Variants in KDM2A observed in about 807,000 individuals in gnomAD.
KDM2A encodes lysine-specific demethylase 2A.
KDM2A carries 3 observed loss-of-function variants against 137.3 expected under a neutral mutation model. The observed-to-expected ratio is 0.02, with a 90% confidence interval of 0.01 to 0.06. KDM2A has a LOEUF of 0.06. KDM2A is among the 10% of genes least tolerant of loss of function. The probability of loss-of-function intolerance (pLI) is 1.00; values close to 1 mark genes in which losing one functional copy is unlikely to be tolerated. For synonymous variants in KDM2A, 512 were observed against 541.5 expected (o/e 0.95, Z 0.76); for missense variants, 738 against 1,510.6 (o/e 0.49, Z 8.48).
chr11:67,153,058 C>CA (rs1283072346), intron 2 of KDM2A, among the ~76,000 whole-genome samples: 6 of 151,906 alleles, frequency 3.9e-5, no homozygotes, highest in African/African-American at 9.7e-5. Flanking sequence ...GATCTCAGCT[C>CA]ACTGCAACGT....
rs565592743 is a variant in KDM2A at position 67,217,490 on chromosome 11, C to G, written c.688-241C>G. On this transcript the variant is annotated intron_variant, in intron 8 of 20. Transcript: ENST00000529006. ...TGAATGGTCCCTCTTCTCTCCGAGT[C>G]CTGGATGGTGTATAGTCAAACCCAA... is the stretch of plus-strand genomic sequence containing the variant. 4 of 503,130 alleles carry G rather than the reference C, an allele frequency of 8.0e-6. No individual in the cohort carries two copies. In the Admixed American group the frequency reaches 1.3e-4, roughly 17 times the overall value. The allele number at this position is 503,130 out of a possible 1,614,324, so 31.2% of individuals were successfully genotyped here.
intron 10 of KDM2A, among the ~76,000 whole-genome samples, chr11:67,226,059 G>C (rs1858533116): frequency 6.6e-6 from 1 of 150,990 alleles, no homozygotes; most frequent in Non-Finnish European, 1.5e-5. Context: ...GAACAAAACT[G>C]TGTCAAAAAA....
At chr11:67,222,079 T>TTA (rs1555094905) in intron 10 of KDM2A, among the ~76,000 whole-genome samples, 3 of 106,622 alleles carry the variant, frequency 2.8e-5, no homozygotes, top group African/African-American at 1.1e-4. Flanking sequence ...TTTTTTTTTT[T>TTA]AATTTATTTT....
chr11:67,242,278 A>ATG (rs35881675), intron 12 of KDM2A, among the ~76,000 whole-genome samples: 186 of 148,172 alleles, frequency 1.3e-3, no homozygotes, highest in East Asian at 9.7e-3. Flanking sequence ...GGGTGTGTGT[A>ATG]TGTGTGTGTG....
intron 12 of KDM2A, 95 bp from the exon 13 acceptor site, chr11:67,242,914 C>G (rs1859092366): frequency 1.1e-6 from 1 of 884,598 alleles, no homozygotes; most frequent in Non-Finnish European, 1.9e-6. Context: ...CCTTGCTACT[C>G]AAGGGTACTG....
intron 5 of KDM2A, among the ~76,000 whole-genome samples, chr11:67,185,175 A>G (rs1279393656): frequency 6.6e-6 from 1 of 152,198 alleles, no homozygotes; most frequent in East Asian, 1.9e-4. Context: ...CCTTAAAAGG[A>G]AATTCTGGAG....
chr11:67,224,490 G>T (rs1337670829), intron 10 of KDM2A, among the ~76,000 whole-genome samples: 2 of 95,686 alleles, frequency 2.1e-5, no homozygotes, highest in African/African-American at 4.4e-5. Context: ...TTTTGAGACA[G>T]AGTCTCGCTC....
intron 10 of KDM2A, among the ~76,000 whole-genome samples, chr11:67,224,461 C>CTTTTTTTTTT (rs35180780): frequency 5.3e-5 from 5 of 95,166 alleles, no homozygotes; most frequent in African/African-American, 1.8e-4. Context: ...TAACCCCTTT[C>CTTTTTTTTTT]TTTTTTTTTT....
intron 7 of KDM2A, 183 bp from the exon 8 acceptor site, chr11:67,215,673 A>AG (rs199904630): frequency 2.9e-4 from 184 of 635,808 alleles, no homozygotes; most frequent in Middle Eastern, 1.3e-3. Flanking sequence ...TCAATACGGT[A>AG]GAAAAAAAAA....
chr11:67,176,029 G>A (rs1475038442), intron 2 of KDM2A, among the ~76,000 whole-genome samples: 1 of 152,142 alleles, frequency 6.6e-6, no homozygotes, highest in African/African-American at 2.4e-5. Flanking sequence ...TACTTTGAAT[G>A]ATGATGGCAT....
intron 4 of KDM2A, 41 bp downstream of exon 4, chr11:67,181,439 C>G (rs1857089076): frequency 7.5e-7 from 1 of 1,330,604 alleles, no homozygotes; most frequent in African/African-American, 1.4e-5. Context: ...TGCAAAATGG[C>G]CTCGTTACAC....
intron 1 of KDM2A, among the ~76,000 whole-genome samples, chr11:67,120,815 G>T (rs1395648198): frequency 6.6e-6 from 1 of 151,918 alleles, no homozygotes; most frequent in Non-Finnish European, 1.5e-5. Flanking sequence ...CTTTCCTTTA[G>T]TTTCTGATTA....
chr11:67,253,496 C>G lies in KDM2A; in HGVS notation c.2976C>G (p.Val992=), dbSNP rs1209606154. 10 of 1,613,902 alleles carry G rather than the reference C, an allele frequency of 6.2e-6. No individual in the cohort carries two copies. The highest frequency in any genetic ancestry group is 8.5e-6 in the Non-Finnish European group (10 of 1,179,826). Residue 992 remains valine (V), a synonymous_variant, in exon 19 of 21, where the codon GTC becomes GTG. Transcript: ENST00000529006. ...TAGCAGGCTGCTCCTGGTCTGCAGT[C>G]TCTGCCCTCAGCACCTCCAGCTGCC... The part of the protein sequence containing the change: ...LLLAGCSWSA[V]SALSTSSCPL...
At position 67,250,565 on chromosome 11, in the gene KDM2A, C is replaced by T. The variant is rs769467365; in HGVS notation, c.2535C>T (p.Pro845=). 1.2e-6 allele frequency: 2 copies of T among 1,613,582 alleles called. No individual in the cohort carries two copies. The highest frequency in any genetic ancestry group is 1.3e-5 in the African/African-American group (1 of 74,916). ...VLVQHCPART[P]QRGDEEGLGG... is the part of the protein sequence containing the mutation. ...TGCAGCACTGCCCAGCCCGAACCCCCCAGCGTGGGGATGAGGAGGGGCTGG... is the reference window on the plus strand; with the variant it reads ...TGCAGCACTGCCCAGCCCGAACCCCTCAGCGTGGGGATGAGGAGGGGCTGG... Residue 845 remains proline (P), a synonymous_variant, in exon 17 of 21, where the codon CCC becomes CCT. Coordinates refer to ENST00000529006, the MANE Select transcript of KDM2A (RefSeq NM_012308.3). This position sits in a 1 kb window ranked among gnomAD's most constrained non-coding sequence, Gnocchi z 7.1.
chr11:67,255,424 A>T lies in KDM2A; in HGVS notation c.*369A>T. ...CTCCTCCCCATCCATGGTCCCCAGCAGTGCCTGGTTCTGAGCAAACTCCCA... is the reference window on the plus strand; with the variant it reads ...CTCCTCCCCATCCATGGTCCCCAGCTGTGCCTGGTTCTGAGCAAACTCCCA... On this transcript the variant is annotated 3_prime_UTR_variant, in exon 21 of 21. Coordinates refer to ENST00000529006, the MANE Select transcript of KDM2A (RefSeq NM_012308.3). The T allele has an allele frequency of 2.2e-6, 1 of 463,372 alleles. No homozygotes were observed. The highest frequency in any genetic ancestry group is 4.3e-6 in the Non-Finnish European group (1 of 231,616). The allele number at this position is 463,372 out of a possible 1,614,324, so 28.7% of individuals were successfully genotyped here.
chr11:67,197,354 T>C (rs1857507671), intron 5 of KDM2A, among the ~76,000 whole-genome samples: 1 of 152,088 alleles, frequency 6.6e-6, no homozygotes, highest in African/African-American at 2.4e-5. Flanking sequence ...TTGTATTTTT[T>C]TTGTAGAGAT....
chr11:67,159,977 C>T (rs1277510760), intron 2 of KDM2A, among the ~76,000 whole-genome samples: 1 of 152,134 alleles, frequency 6.6e-6, no homozygotes, highest in Admixed American at 6.5e-5. Context: ...TTTAATGCTG[C>T]TGAACTATAC....
chr11:67,227,633 G>C (rs941692571), intron 10 of KDM2A, among the ~76,000 whole-genome samples: 1 of 151,976 alleles, frequency 6.6e-6, no homozygotes, highest in African/African-American at 2.4e-5. Context: ...GCAGAGGCGT[G>C]ATCTCAGTTC....
At chr11:67,125,340 C>G (rs564626537) in intron 2 of KDM2A, among the ~76,000 whole-genome samples, 1 of 152,004 alleles carries the variant, frequency 6.6e-6, no homozygotes, top group South Asian at 2.1e-4. Context: ...GCCACCATGC[C>G]TGGTTAATTT....
Sources: allele counts gnomAD v4.1 joint callset (sites outside exome capture counted in the v4.1 genomes callset), GRCh38; gene constraint gnomAD v4.1.1; non-coding constraint Gnocchi (gnomAD v3.1); transcripts MANE v1.5; gene names NCBI Gene and HGNC (gene_info 2026-07-23, HGNC 2026-07-21).